Variants in IMPDH2 observed in about 807,000 individuals in gnomAD.
IMPDH2 encodes the protein inosine monophosphate dehydrogenase 2.
In IMPDH2, 33 loss-of-function variants were observed where a neutral mutation model predicts 57.8. The ratio of observed to expected loss-of-function variants is 0.57; its 90% CI spans 0.43 to 0.76. The LOEUF is 0.76. Ranked by LOEUF, IMPDH2 falls within the 30% of genes least tolerant of loss-of-function variation. The pLI, the probability that IMPDH2 is intolerant of heterozygous loss-of-function variation, is 0.00. For missense variants in IMPDH2, 446 were observed against 659.1 expected (o/e 0.68, Z 3.54); for synonymous variants, 270 against 241.3 (o/e 1.12, Z -1.10).
chr3:49,026,946 G>C lies in IMPDH2; in HGVS notation c.619+14C>G. 6.2e-7 allele frequency: 1 copy of C among 1,613,670 alleles called. No individual in the cohort carries two copies. Among genetic ancestry groups the C allele is most frequent in the Non-Finnish European group, 8.5e-7 (1 of 1,179,532 alleles). ...GGCATTAGTTCCAGGCCCTTTCCCA[G>C]CTCTAGGACTTACCCTTCTTGCTGC... On this transcript the variant is annotated intron_variant, in intron 6 of 13. Transcript: ENST00000326739.
In IMPDH2 at chr3:49,024,894, A is replaced by C; in HGVS notation, c.1295+2T>G. 6.2e-7 allele frequency: 1 copy of C among 1,614,172 alleles called. No individual in the cohort carries two copies. The highest frequency in any genetic ancestry group is 8.5e-7 in the Non-Finnish European group (1 of 1,179,986). ...GTGGGGTAACTGGCTTGCCTGTCCC[A>C]CCTGAAATATCTGTTCTGGCTGCTG... On this transcript the variant is annotated splice_donor_variant, in intron 11 of 13. Transcript: ENST00000326739. LOFTEE classifies it high-confidence loss of function.
intron 1 of IMPDH2, 106 bp from the exon 2 acceptor site, chr3:49,028,912 G>T: frequency 1.1e-6 from 1 of 899,740 alleles, no homozygotes; most frequent in Non-Finnish European, 1.8e-6. Context: ...GCAGAGAGTG[G>T]CACTGACAGA....
chr3:49,025,991 TTAC>T (rs2093197048), intron 9 of IMPDH2: 1 of 480,102 alleles, frequency 2.1e-6, no homozygotes, highest in African/African-American at 2.0e-5. Context: ...CGGGCTGGAC[TTAC>T]TATAGCAACC....
chr3:49,028,620 T>G, intron 2 of IMPDH2, 88 bp from the exon 3 acceptor site: 1 of 1,303,604 alleles, frequency 7.7e-7, no homozygotes, highest in Non-Finnish European at 1.1e-6. Flanking sequence ...CACTTTTGTA[T>G]GACCTGCATG....
rs557107720 is a variant in IMPDH2 at position 49,027,945 on chromosome 3, G to A, written c.325-29C>T. The A allele has an allele frequency of 7.2e-4, 1,111 of 1,533,638 alleles. 17 individuals are homozygous for A. In the South Asian group the frequency reaches 0.012, roughly 16 times the overall value. ...GAAAGGGATGGTGAGAAAGGGCATC[G>A]CATCTTTGAACTACTTTCATCAGGC... On this transcript the variant is annotated intron_variant, in intron 4 of 13. Transcript: ENST00000326739.
intron 9 of IMPDH2, chr3:49,025,492 G>A (rs2093194525): frequency 3.6e-6 from 2 of 562,922 alleles, no homozygotes; most frequent in East Asian, 3.1e-5. Flanking sequence ...GTGCATGTGT[G>A]CAGTGCCCAG....
rs773248565 is a variant in IMPDH2 at position 49,024,797 on chromosome 3, G to T, written c.1301C>A (p.Ala434Asp). 1 of 1,614,102 alleles carries T rather than the reference G, an allele frequency of 6.2e-7. No homozygotes were observed. The highest frequency in any genetic ancestry group is 8.5e-7 in the Non-Finnish European group (1 of 1,180,044). ...LSSQNRYFSE[A>D]DKIKVAQGVS... ...TCCCTGGGCCACTTTGATTTTGTCA[G>T]CTTCACTGCAGGGAGAGGCAGAGAC... is the stretch of plus-strand genomic sequence containing the variant. Residue 434 changes from alanine (A) to aspartate (D), a missense_variant, in exon 12 of 14, where the codon GCT (alanine) becomes GAT (aspartate). By Grantham distance (126) the Ala-to-Asp change is moderately radical (BLOSUM62 -2). Transcript: ENST00000326739.
Position 49,029,339 on chromosome 3 carries a change from G to T in IMPDH2, c.12C>A (p.Tyr4Ter). MAD[Y>*]LISGGTSYVP... ...CGTAGGACGTGCCCCCACTAATCAG[G>T]TAGTCGGCCATGGCCAACACAGGAC... The change falls in exon 1 of 14, where the codon TAC (tyrosine) becomes TAA (stop). Residue 4 changes from tyrosine to a stop codon, truncating the protein, a stop_gained. Transcript: ENST00000326739. LOFTEE classifies it high-confidence loss of function. The T allele has an allele frequency of 1.3e-6, 2 of 1,598,164 alleles. No homozygotes were observed. The highest frequency in any genetic ancestry group is 1.7e-6 in the Non-Finnish European group (2 of 1,172,544).
At position 49,027,171 on chromosome 3, in the gene IMPDH2, T is replaced by G. The variant is rs1009932782; in HGVS notation, c.532-124A>C. On this transcript the variant is annotated intron_variant, in intron 5 of 13. Coordinates refer to ENST00000326739, the MANE Select transcript of IMPDH2 (RefSeq NM_000884.3). ...CACCACACCCAACTAATTTTTTGTA[T>G]TTTTAGTAGAGACGGGGTTTCACCA... 1.6e-5 allele frequency: 12 copies of G among 765,520 alleles called. No homozygotes were observed. In the East Asian group the frequency reaches 2.7e-4, roughly 17 times the overall value. The allele number at this position is 765,520 out of a possible 1,614,324, so 47.4% of individuals were successfully genotyped here.
rs1575313612 is a variant in IMPDH2 at position 49,029,394 on chromosome 3, C to T, written c.-44G>A. 1 of 1,340,780 alleles carries T rather than the reference C, an allele frequency of 7.5e-7. No homozygotes were observed. The highest frequency in any genetic ancestry group is 1.2e-5 in the South Asian group (1 of 80,748). The allele number at this position is 1,340,780 out of a possible 1,614,324, so 83.1% of individuals were successfully genotyped here. On this transcript the variant is annotated 5_prime_UTR_variant, in exon 1 of 14. Transcript: ENST00000326739. Reference sequence around the variant, plus strand: ...CCGCGTGTCTCCGAGGACCGCGCCGCAGAGACCTCTGCCGTCTGGGCCGCG... The same window carrying T: ...CCGCGTGTCTCCGAGGACCGCGCCGTAGAGACCTCTGCCGTCTGGGCCGCG...
chr3:49,024,601 T>C, intron 12 of IMPDH2, 23 bp from the exon 13 acceptor site: 2 of 1,614,188 alleles, frequency 1.2e-6, no homozygotes, highest in Non-Finnish European at 1.7e-6. Flanking sequence ...AGAGGTCAAA[T>C]GTGGGTAGCT....
In IMPDH2 at chr3:49,024,537, G is replaced by T; in HGVS notation, c.1481C>A (p.Thr494Lys). The T allele has an allele frequency of 6.2e-7, 1 of 1,614,174 alleles. No individual in the cohort carries two copies. Among genetic ancestry groups the T allele is most frequent in the Non-Finnish European group, 8.5e-7 (1 of 1,180,034 alleles). The change falls in exon 13 of 14, where the codon ACG (threonine) becomes AAG (lysine). Residue 494 changes from threonine to lysine, a missense_variant. Coordinates refer to ENST00000326739, the MANE Select transcript of IMPDH2 (RefSeq NM_000884.3). ...GCCACCTTCCACCTGGGCTGAGGAC[G>T]TTCTCTTCTCAAACTTAAGCTCCCC... Reference protein sequence around the residue: ...YSGELKFEKRTSSAQVEGGVH... With the variant: ...YSGELKFEKRKSSAQVEGGVH...
chr3:49,028,584 G>T (rs763859667), intron 2 of IMPDH2, 52 bp from the exon 3 acceptor site: 1 of 1,458,476 alleles, frequency 6.9e-7, no homozygotes, highest in East Asian at 2.3e-5. Context: ...ACACCTCAAG[G>T]TGTTACTGAG....
intron 8 of IMPDH2, 38 bp from the exon 9 acceptor site, chr3:49,026,457 A>G: frequency 6.2e-7 from 1 of 1,603,218 alleles, no homozygotes; most frequent in Non-Finnish European, 8.5e-7. Context: ...TGTGAAGGTT[A>G]AGGTGGGAGC....
chr3:49,025,118 G>A lies in IMPDH2; in HGVS notation c.1150+8C>T. On this transcript the variant is annotated splice_region_variant and intron_variant, in intron 10 of 13. Transcript: ENST00000326739. ...GTCCCACTGGCCTTCACGGGTACTG[G>A]GCCTCACCTGTGGAGGCCCCAAGGG... 1 of 1,614,190 alleles carries A rather than the reference G, an allele frequency of 6.2e-7. No individual in the cohort carries two copies. Among genetic ancestry groups the A allele is most frequent in the East Asian group, 2.2e-5 (1 of 44,892 alleles).
rs772867954 is a variant in IMPDH2 at position 49,029,175 on chromosome 3, C to G, written c.98+78G>C. 54 of 1,210,474 alleles carry G rather than the reference C, an allele frequency of 4.5e-5. No homozygotes were observed. In the African/African-American group the frequency reaches 7.4e-4, roughly 16 times the overall value. 75.0% of individuals were successfully genotyped at this position (1,210,474 alleles called of 1,614,324 possible). On this transcript the variant is annotated intron_variant, in intron 1 of 13. Transcript: ENST00000326739. ...TCCCCCACGCCCACGCCCAAGGCGG[C>G]TCTCGGAAGCCCCCATCTGGCCTTT...
At chr3:49,025,369 C>A in intron 9 of IMPDH2, 100 bp from the exon 10 acceptor site, 1 of 1,277,794 alleles carries the variant, frequency 7.8e-7, no homozygotes, top group South Asian at 1.2e-5. Flanking sequence ...GCTACATCTG[C>A]ATCAGGACTG....
Position 49,026,418 on chromosome 3 carries a change from C to T in IMPDH2, c.912G>A (p.Val304=), listed in dbSNP as rs770021520. 2 of 1,613,348 alleles carry T rather than the reference C, an allele frequency of 1.2e-6. No individual in the cohort carries two copies. The highest frequency in any genetic ancestry group is 1.7e-6 in the Non-Finnish European group (2 of 1,179,600). Reference sequence around the variant, plus strand: ...GGTTCTTGGCCTGGGCAGCAGTGACCACTATGGTGAAGGAAAGGAAAATGC... The same window carrying T: ...GGTTCTTGGCCTGGGCAGCAGTGACTACTATGGTGAAGGAAAGGAAAATGC... ...YPNLQVIGGN[V]VTAAQAKNLI... Residue 304 remains valine, a splice_region_variant and synonymous_variant, in exon 9 of 14, where the codon GTG becomes GTA. Transcript: ENST00000326739.
rs751758595 is a variant in IMPDH2, at chr3:49,026,227, T to C, written c.1006+97A>G. 6.0e-5 allele frequency: 56 copies of C among 939,316 alleles called. 1 individual carries two copies. Among genetic ancestry groups the C allele is most frequent in the South Asian group, 1.7e-4 (12 of 69,206 alleles). 58.2% of individuals were successfully genotyped at this position (939,316 alleles called of 1,614,324 possible). A position where few individuals can be genotyped will look rare whatever the true frequency, so the allele number is the denominator to read the frequency against. ...CAATTTGGCCCCAGGGTTGCCCCTA[T>C]TGGAGGGCTCTATTGTCCCCATAAG... On this transcript the variant is annotated intron_variant, in intron 9 of 13. Coordinates refer to ENST00000326739, the MANE Select transcript of IMPDH2 (RefSeq NM_000884.3).
Sources: gnomAD v4.1 joint callset for allele counts on GRCh38, gnomAD v4.1.1 for gene constraint, MANE v1.5 for transcripts, NCBI Gene and HGNC (gene_info 2026-07-23, HGNC 2026-07-21) for gene names.